Variants in HNF4G observed in about 807,000 individuals in gnomAD.
HNF4G encodes hepatocyte nuclear factor 4 gamma, also known as hepatocyte nuclear factor 4-gamma.
HNF4G carries 21 observed loss-of-function variants against 50.9 expected under a neutral mutation model. The ratio of observed to expected loss-of-function variants is 0.41; its 90% CI spans 0.29 to 0.59. The LOEUF is 0.59. Ranked by LOEUF, HNF4G falls within the 20% of genes least tolerant of loss-of-function variation. The probability of loss-of-function intolerance (pLI) is 0.26; values close to 1 mark genes in which losing one functional copy is unlikely to be tolerated. For synonymous variants in HNF4G, 198 were observed against 185.6 expected, an observed-to-expected ratio of 1.07 and a Z score of -0.54; for missense variants, 527 against 559.4, an observed-to-expected ratio of 0.94 and a Z score of 0.58.
At chr8:75,437,056 T>C (rs557959368) in intron 1 of HNF4G, among the ~76,000 whole-genome samples, 3 of 152,150 alleles carry the variant, frequency 2.0e-5, no homozygotes, top group Middle Eastern at 3.4e-3. Flanking sequence ...TAAAAACAAA[T>C]AAACAAAAGA....
At chr8:75,549,549 CTTT>C (rs1043888492) in intron 3 of HNF4G, among the ~76,000 whole-genome samples, 1 of 131,532 alleles carries the variant, frequency 7.6e-6, no homozygotes, top group African/African-American at 2.8e-5. Context: ...CTCACTCTTT[CTTT>C]TTTTTTTTTT....
intron 2 of HNF4G, among the ~76,000 whole-genome samples, chr8:75,494,622 G>T (rs983670323): frequency 4.6e-5 from 7 of 151,924 alleles, no homozygotes; most frequent in African/African-American, 7.2e-5. Flanking sequence ...CAGTATTGTG[G>T]TTTATTAGTT....
intron 2 of HNF4G, among the ~76,000 whole-genome samples, chr8:75,546,647 T>C (rs1426668356): frequency 6.6e-6 from 1 of 152,158 alleles, no homozygotes; most frequent in African/African-American, 2.4e-5. Context: ...TTCTTTTGTT[T>C]AGAATAGAAT....
chr8:75,432,291 T>TTA (rs1563503892), intron 1 of HNF4G, among the ~76,000 whole-genome samples: 1 of 144,322 alleles, frequency 6.9e-6, no homozygotes, highest in Non-Finnish European at 1.5e-5. Flanking sequence ...TGTATCAAAA[T>TTA]AAAAAAAAAA....
chr8:75,520,430 TG>T (rs903365455), intron 2 of HNF4G, among the ~76,000 whole-genome samples: 39 of 152,112 alleles, frequency 2.6e-4, no homozygotes, highest in African/African-American at 7.7e-4. Flanking sequence ...TTTCTTTTTA[TG>T]TTTTTTTTTA....
chr8:75,554,983 G>A (rs150582306), intron 5 of HNF4G, among the ~76,000 whole-genome samples: 28 of 152,274 alleles, frequency 1.8e-4, no homozygotes, highest in African/African-American at 6.7e-4. Flanking sequence ...CAGCAACAAT[G>A]TGAACAAGGG....
At chr8:75,509,108 C>T (rs954932716) in intron 2 of HNF4G, among the ~76,000 whole-genome samples, 2 of 152,092 alleles carry the variant, frequency 1.3e-5, no homozygotes, top group Non-Finnish European at 2.9e-5. Flanking sequence ...ATTTACAAGT[C>T]AGCTGAGGTC....
intron 1 of HNF4G, among the ~76,000 whole-genome samples, chr8:75,454,025 TTCTCTCTCTCTC>T (rs58676228): frequency 5.2e-4 from 69 of 133,908 alleles, no homozygotes; most frequent in African/African-American, 1.8e-3. Flanking sequence ...AAGAAGAAAT[TTCTCTCTCTCTC>T]TCTCTCTCTC....
intron 2 of HNF4G, among the ~76,000 whole-genome samples, chr8:75,527,953 A>G (rs541325834): frequency 6.6e-6 from 1 of 152,358 alleles, no homozygotes; most frequent in East Asian, 1.9e-4. Context: ...AGAGAAATCA[A>G]TTGACTCTTC....
chr8:75,468,406 A>G (rs1026557336), intron 1 of HNF4G, among the ~76,000 whole-genome samples: 17 of 152,136 alleles, frequency 1.1e-4, no homozygotes, highest in African/African-American at 4.1e-4. Context: ...AACATAAAAT[A>G]TATGTAGGGC....
intron 2 of HNF4G, among the ~76,000 whole-genome samples, chr8:75,505,235 G>A (rs1813044912): frequency 6.6e-6 from 1 of 152,096 alleles, no homozygotes; most frequent in Non-Finnish European, 1.5e-5. Context: ...ACTTGTTGGT[G>A]GACCTTTGAC....
At chr8:75,434,150 C>A (rs1029211851) in intron 1 of HNF4G, among the ~76,000 whole-genome samples, 2 of 151,620 alleles carry the variant, frequency 1.3e-5, no homozygotes, top group Non-Finnish European at 2.9e-5. Context: ...ATTATAGGCG[C>A]CTGCCACCCC....
chr8:75,495,924 A>G (rs1340843562), intron 2 of HNF4G, among the ~76,000 whole-genome samples: 1 of 152,158 alleles, frequency 6.6e-6, no homozygotes. Flanking sequence ...CAATATTTCT[A>G]TATTATTTTG....
chr8:75,545,915 G>T (rs1325301526), intron 2 of HNF4G, among the ~76,000 whole-genome samples: 2 of 151,788 alleles, frequency 1.3e-5, no homozygotes, highest in Non-Finnish European at 1.5e-5. Flanking sequence ...TTGTCAATCT[G>T]GTCCTCTCTC....
At chr8:75,497,638 C>T (rs1050101965) in intron 2 of HNF4G, among the ~76,000 whole-genome samples, 2 of 151,722 alleles carry the variant, frequency 1.3e-5, no homozygotes, top group Non-Finnish European at 2.9e-5. Context: ...GAGCCAAAAT[C>T]ATGCCACCGC....
At chr8:75,434,108 A>T (rs2130527143) in intron 1 of HNF4G, among the ~76,000 whole-genome samples, 1 of 145,788 alleles carries the variant, frequency 6.9e-6, no homozygotes, top group African/African-American at 2.6e-5. Flanking sequence ...GGTTCAAGTG[A>T]TTCTCCTTCC....
chr8:75,555,255 T>C (rs912094679), intron 5 of HNF4G, among the ~76,000 whole-genome samples: 2 of 152,178 alleles, frequency 1.3e-5, no homozygotes, highest in African/African-American at 4.8e-5. Flanking sequence ...GTCTCTTGTT[T>C]TGATGTGAAC....
chr8:75,532,015 C>A (rs1343219045), intron 2 of HNF4G, among the ~76,000 whole-genome samples: 3 of 151,908 alleles, frequency 2.0e-5, no homozygotes, highest in East Asian at 3.9e-4. Flanking sequence ...CAGATAAGAT[C>A]ATCTTCACTA....
At chr8:75,487,424 A>C (rs1250615313) in intron 1 of HNF4G, among the ~76,000 whole-genome samples, 2 of 152,178 alleles carry the variant, frequency 1.3e-5, no homozygotes, top group African/African-American at 4.8e-5. Flanking sequence ...GCTTCCAATC[A>C]TTCATGTAAA....
Sources: allele counts gnomAD v4.1 joint callset (sites outside exome capture counted in the v4.1 genomes callset), GRCh38; gene constraint gnomAD v4.1.1; transcripts MANE v1.5; gene names NCBI Gene and HGNC (gene_info 2026-07-23, HGNC 2026-07-21).